RAB1A: variants seen among roughly 807,000 people sequenced by gnomAD.
The protein encoded by RAB1A is ras-related protein Rab-1A.
A neutral mutation model predicts 26.0 loss-of-function variants in RAB1A; 2 were observed. That is an observed-to-expected ratio of 0.08 (90% confidence interval 0.03 to 0.24). The LOEUF (loss-of-function observed/expected upper bound fraction) is 0.24, where lower values mean the gene tolerates loss of function less well. RAB1A is among the 10% of genes least tolerant of loss of function. The pLI is 1.00. For synonymous variants in RAB1A, 84 were observed against 84.9 expected (o/e 0.99, Z 0.06); for missense variants, 100 against 247.0 (o/e 0.40, Z 3.99).
chr2:65,110,300 G>A (rs1669665630), intron 1 of RAB1A, among the ~76,000 whole-genome samples: 1 of 152,086 alleles, frequency 6.6e-6, no homozygotes, highest in Non-Finnish European at 1.5e-5. Context: ...AATTAGACGG[G>A]TGTGGCGGCA....
At chr2:65,110,857 G>T (rs1669678953) in intron 1 of RAB1A, among the ~76,000 whole-genome samples, 1 of 151,846 alleles carries the variant, frequency 6.6e-6, no homozygotes, top group Non-Finnish European at 1.5e-5. Context: ...GATCACTTGA[G>T]CCCAGGAGTT....
At chr2:65,129,505 G>C (rs182224020) in intron 1 of RAB1A, among the ~76,000 whole-genome samples, 1 of 152,124 alleles carries the variant, frequency 6.6e-6, no homozygotes, top group Non-Finnish European at 1.5e-5. Flanking sequence ...GGGTCTGACA[G>C]TGCCCTCTAG....
chr2:65,102,461 ACT>A (rs910120602), intron 2 of RAB1A, among the ~76,000 whole-genome samples: 2 of 152,000 alleles, frequency 1.3e-5, no homozygotes, highest in Non-Finnish European at 2.9e-5. Context: ...CAAGTGGTAA[ACT>A]CTAAGTTTTT....
At chr2:65,112,936 G>A (rs6756585) in intron 1 of RAB1A, among the ~76,000 whole-genome samples, 99,888 of 152,018 alleles carry the variant, frequency 0.66, 33,044 homozygotes, top group Non-Finnish European at 0.69. Context: ...GGCCAGGCAC[G>A]GCAGCTTGTG....
At chr2:65,089,449 C>A (rs1669117698) in intron 4 of RAB1A, among the ~76,000 whole-genome samples, 1 of 151,988 alleles carries the variant, frequency 6.6e-6, no homozygotes. Flanking sequence ...CTCCTGAGCT[C>A]AATCGGCCCA....
At chr2:65,105,367 T>C (rs1669528251) in intron 1 of RAB1A, 1 of 182,606 alleles carries the variant, frequency 5.5e-6, no homozygotes, top group Non-Finnish European at 1.2e-5. Flanking sequence ...TAGCTGGGCA[T>C]GGTTGCGCAT....
At chr2:65,100,426 T>G (rs1435122810) in intron 2 of RAB1A, among the ~76,000 whole-genome samples, 1 of 128,924 alleles carries the variant, frequency 7.8e-6, no homozygotes, top group Non-Finnish European at 1.6e-5. Context: ...AAAAAAAAGT[T>G]ATGTTGTAAT....
intron 1 of RAB1A, among the ~76,000 whole-genome samples, chr2:65,115,736 T>C (rs1317324695): frequency 2.0e-5 from 3 of 152,334 alleles, no homozygotes; most frequent in Non-Finnish European, 1.5e-5. Flanking sequence ...TCCATTCAGA[T>C]GAACCATCTT....
At chr2:65,106,483 C>G (rs767863710) in intron 1 of RAB1A, 2 of 249,106 alleles carry the variant, frequency 8.0e-6, no homozygotes, top group Non-Finnish European at 1.6e-5. Flanking sequence ...TCAACTATTA[C>G]GTAGGTTTAC....
chr2:65,103,880 G>C (rs763894831), intron 2 of RAB1A, among the ~76,000 whole-genome samples: 17 of 152,016 alleles, frequency 1.1e-4, no homozygotes, highest in Non-Finnish European at 2.1e-4. Flanking sequence ...CTGGGTTCAA[G>C]CGATTCTCCT....
At chr2:65,116,695 A>G (rs1669835756) in intron 1 of RAB1A, among the ~76,000 whole-genome samples, 1 of 152,250 alleles carries the variant, frequency 6.6e-6, no homozygotes, top group South Asian at 2.1e-4. Context: ...TTCTGTTCAG[A>G]TTATCAGTGA....
At chr2:65,113,501 GACCC>G (rs1669752189) in intron 1 of RAB1A, among the ~76,000 whole-genome samples, 9 of 152,060 alleles carry the variant, frequency 5.9e-5, no homozygotes, top group Admixed American at 5.9e-4. Context: ...ACAAGAGTGA[GACCC>G]CCATCTCTAA....
intron 1 of RAB1A, among the ~76,000 whole-genome samples, chr2:65,113,607 T>G (rs1228838931): frequency 1.3e-5 from 2 of 152,230 alleles, no homozygotes; most frequent in Non-Finnish European, 2.9e-5. Flanking sequence ...AAACAGATTT[T>G]CAGTTCAAAA....
At chr2:65,124,214 C>T (rs72818294) in intron 1 of RAB1A, among the ~76,000 whole-genome samples, 2,135 of 152,202 alleles carry the variant, frequency 0.014, 46 homozygotes, top group Non-Finnish European at 0.017. Context: ...CTAGAACTGA[C>T]CTCAAGTGAT....
chr2:65,092,318 A>C (rs1030379252), intron 3 of RAB1A, among the ~76,000 whole-genome samples: 2 of 152,062 alleles, frequency 1.3e-5, no homozygotes, highest in Non-Finnish European at 2.9e-5. Flanking sequence ...GTATCCTTGG[A>C]GGAAGCATGA....
intron 3 of RAB1A, among the ~76,000 whole-genome samples, chr2:65,095,155 T>TA (rs949127382): frequency 6.6e-6 from 1 of 151,762 alleles, no homozygotes; most frequent in African/African-American, 2.4e-5. Context: ...TAGGAATAAA[T>TA]AAAAAAAATA....
chr2:65,116,599 T>C (rs762883278), intron 1 of RAB1A, among the ~76,000 whole-genome samples: 53 of 152,344 alleles, frequency 3.5e-4, no homozygotes, highest in Non-Finnish European at 3.4e-4. Flanking sequence ...GCCATTGTTA[T>C]TTCTCCTTCC....
At chr2:65,128,301 T>C (rs1477715880) in intron 1 of RAB1A, among the ~76,000 whole-genome samples, 1 of 152,140 alleles carries the variant, frequency 6.6e-6, no homozygotes, top group African/African-American at 2.4e-5. Flanking sequence ...TAAACATATA[T>C]ATAGCAAATT....
chr2:65,126,920 A>G (rs1670113948), intron 1 of RAB1A, among the ~76,000 whole-genome samples: 1 of 152,246 alleles, frequency 6.6e-6, no homozygotes, highest in Non-Finnish European at 1.5e-5. Context: ...AAACTGCTTA[A>G]GTCAGATTAC....
Sources: allele counts gnomAD v4.1 joint callset (sites outside exome capture counted in the v4.1 genomes callset), GRCh38; gene constraint gnomAD v4.1.1; transcripts MANE v1.5; gene names NCBI Gene and HGNC (gene_info 2026-07-23, HGNC 2026-07-21).